NELL1: variants seen among roughly 807,000 people sequenced by gnomAD.
NELL1 encodes the protein neural EGFL like 1.
Under a neutral mutation model 107.4 loss-of-function variants are expected in NELL1, and 76 were observed. The ratio of observed to expected loss-of-function variants is 0.71; its 90% CI spans 0.59 to 0.86. The LOEUF is 0.86. Among genes scored for constraint, NELL1 ranks in the 40% least tolerant of loss-of-function variants. NELL1 has a pLI of 0.00. For synonymous variants in NELL1, 353 were observed against 341.2 expected (o/e 1.03, Z -0.38); for missense variants, 1,024 against 1,005.5 (o/e 1.02, Z -0.25).
intron 15 of NELL1, among the ~76,000 whole-genome samples, chr11:21,437,738 T>C (rs949335403): frequency 1.3e-5 from 2 of 152,240 alleles, no homozygotes; most frequent in African/African-American, 4.8e-5. Flanking sequence ...GATTTTGTTT[T>C]CCATTTGTAT....
At chr11:20,819,682 C>G (rs755097023) in intron 3 of NELL1, among the ~76,000 whole-genome samples, 1 of 152,192 alleles carries the variant, frequency 6.6e-6, no homozygotes, top group Non-Finnish European at 1.5e-5. Flanking sequence ...AGTTCCCCTT[C>G]TTTAAGCCAG....
chr11:21,006,985 G>A (rs528733295), intron 12 of NELL1, among the ~76,000 whole-genome samples: 9 of 152,022 alleles, frequency 5.9e-5, no homozygotes, highest in Admixed American at 3.9e-4. Context: ...CTGTTGGAGG[G>A]GTAGCTGGTG....
intron 2 of NELL1, among the ~76,000 whole-genome samples, chr11:20,746,166 A>G (rs1201437919): frequency 6.6e-6 from 1 of 152,132 alleles, no homozygotes; most frequent in East Asian, 1.9e-4. Flanking sequence ...GTGGTTGCAG[A>G]TACTCCCTAT....
intron 13 of NELL1, among the ~76,000 whole-genome samples, chr11:21,122,599 A>G (rs1257341567): frequency 6.6e-6 from 1 of 152,186 alleles, no homozygotes; most frequent in African/African-American, 2.4e-5. Context: ...GGCCAAAATG[A>G]AAGCTATAAA....
intron 2 of NELL1, among the ~76,000 whole-genome samples, chr11:20,707,313 C>T (rs539316212): frequency 2.0e-5 from 3 of 152,192 alleles, no homozygotes; most frequent in Admixed American, 1.3e-4. Flanking sequence ...TGAACTTCCT[C>T]CTTTAGCTCA....
intron 12 of NELL1, among the ~76,000 whole-genome samples, chr11:21,097,575 C>T (rs1024821506): frequency 3.9e-5 from 6 of 151,956 alleles, no homozygotes; most frequent in Admixed American, 3.9e-4. Flanking sequence ...GTGAGATGTG[C>T]AATTTCGGGG....
chr11:21,179,862 C>CTTTTTTTTTTTTTTTT (rs1164420669), intron 13 of NELL1, among the ~76,000 whole-genome samples: 4 of 75,710 alleles, frequency 5.3e-5, no homozygotes, highest in African/African-American at 1.1e-4. Context: ...AATCAACACA[C>CTTTTTTTTTTTTTTTT]TTTTTTTTTT....
At chr11:20,699,244 C>A (rs1222835155) in intron 2 of NELL1, among the ~76,000 whole-genome samples, 1 of 151,872 alleles carries the variant, frequency 6.6e-6, no homozygotes, top group East Asian at 1.9e-4. Context: ...ACAAAACAAA[C>A]AAAAAAGAAT....
At chr11:21,171,389 T>C (rs1289182640) in intron 13 of NELL1, among the ~76,000 whole-genome samples, 1 of 151,922 alleles carries the variant, frequency 6.6e-6, no homozygotes, top group Admixed American at 6.5e-5. Flanking sequence ...AACATTTTGG[T>C]ACATATACTT....
intron 12 of NELL1, among the ~76,000 whole-genome samples, chr11:21,001,444 T>G (rs960809720): frequency 6.6e-6 from 1 of 151,064 alleles, no homozygotes; most frequent in African/African-American, 2.4e-5. Context: ...ACTCACCACT[T>G]GCCAACCTGA....
chr11:21,041,681 G>A (rs1465483018), intron 12 of NELL1, among the ~76,000 whole-genome samples: 3 of 152,122 alleles, frequency 2.0e-5, no homozygotes, highest in Non-Finnish European at 4.4e-5. Context: ...AGTGGAAAAT[G>A]GACAAGAAAA....
chr11:21,217,743 A>G (rs190897574), intron 13 of NELL1, among the ~76,000 whole-genome samples: 11 of 152,178 alleles, frequency 7.2e-5, no homozygotes, highest in Non-Finnish European at 1.5e-4. Context: ...GATATGTAAA[A>G]GGTTACTTTG....
chr11:21,466,646 G>A (rs1854039724), intron 15 of NELL1, among the ~76,000 whole-genome samples: 1 of 152,076 alleles, frequency 6.6e-6, no homozygotes, highest in African/African-American at 2.4e-5. Context: ...GCATAAAATG[G>A]ATAAAAGCAG....
chr11:21,390,899 A>G (rs1361729117), intron 15 of NELL1, among the ~76,000 whole-genome samples: 2 of 151,772 alleles, frequency 1.3e-5, no homozygotes, highest in Non-Finnish European at 2.9e-5. Context: ...CTTTCTGTCT[A>G]CAACACAACT....
chr11:21,116,576 T>G (rs1855240688), intron 13 of NELL1, among the ~76,000 whole-genome samples: 1 of 151,992 alleles, frequency 6.6e-6, no homozygotes, highest in African/African-American at 2.4e-5. Context: ...ACAAACCTCC[T>G]TCTCTCCCAA....
intron 12 of NELL1, among the ~76,000 whole-genome samples, chr11:20,980,075 T>C (rs943564764): frequency 2.0e-5 from 3 of 152,162 alleles, no homozygotes; most frequent in African/African-American, 4.8e-5. Context: ...TAGACATATT[T>C]GAATCACTAA....
chr11:21,417,774 A>G (rs901617498), intron 15 of NELL1, among the ~76,000 whole-genome samples: 10 of 152,030 alleles, frequency 6.6e-5, no homozygotes, highest in African/African-American at 1.2e-4. Flanking sequence ...AGGCCTCCCT[A>G]TGAGTCCCAC....
chr11:21,497,309 C>T (rs534474374), intron 15 of NELL1, among the ~76,000 whole-genome samples: 1 of 152,166 alleles, frequency 6.6e-6, no homozygotes, highest in South Asian at 2.1e-4. Flanking sequence ...AGTATAGTTA[C>T]AAAAAATATT....
At position 21,082,889 on chromosome 11, in the gene NELL1, A is replaced by G. The variant is rs1470480272; in HGVS notation, c.1301-30700A>G. On this transcript the variant is annotated intron_variant, in intron 12 of 19. Coordinates refer to ENST00000357134, the MANE Select transcript of NELL1 (RefSeq NM_006157.5). ...ACATACAGCATAGTGCTAGGTAGAAATTAAATTATTGTTACTATTTGCTAC... is the reference window on the plus strand; with the variant it reads ...ACATACAGCATAGTGCTAGGTAGAAGTTAAATTATTGTTACTATTTGCTAC... 2.6e-5 allele frequency among the ~76,000 whole-genome samples: 4 copies of G among 152,230 alleles called. No homozygotes were observed. The East Asian group carries it at 7.7e-4, about 29-fold the overall frequency.
Sources: gnomAD v4.1 joint callset for allele counts (sites outside exome capture counted in the v4.1 genomes callset) on GRCh38, gnomAD v4.1.1 for gene constraint, MANE v1.5 for transcripts, NCBI Gene and HGNC (gene_info 2026-07-23, HGNC 2026-07-21) for gene names.